PLAC1: variants seen among roughly 807,000 people sequenced by gnomAD.
The protein encoded by PLAC1 is placenta-specific protein 1.
For missense variants in PLAC1, 136 were observed against 163.2 expected, an observed-to-expected ratio of 0.83 and a Z score of 0.91; for synonymous variants, 68 against 62.1, an observed-to-expected ratio of 1.09 and a Z score of -0.44.
At chrX:134,704,561 T>C (rs1167272041) in intron 2 of PLAC1, among the ~76,000 whole-genome samples, 1 of 96,259 alleles carries the variant, frequency 1.0e-5, no homozygotes, top group Admixed American at 1.1e-4. Context: ...TAAAACAAAA[T>C]GAAAAAATAA....
intron 2 of PLAC1, among the ~76,000 whole-genome samples, chrX:134,722,887 T>TA: frequency 9.1e-6 from 1 of 109,774 alleles, no homozygotes; most frequent in South Asian, 3.9e-4. Context: ...GGTGAGAGCA[T>TA]ACAGTCCAAG....
At chrX:134,697,020 G>A (rs1176450483) in intron 2 of PLAC1, among the ~76,000 whole-genome samples, 3 of 104,899 alleles carry the variant, frequency 2.9e-5, no homozygotes, top group East Asian at 5.9e-4. Context: ...GCAACAGAGC[G>A]AGACTCCATC....
chrX:134,659,671 T>C (rs1396378894), upstream of PLAC1, among the ~76,000 whole-genome samples: 3 of 112,384 alleles, frequency 2.7e-5, no homozygotes, highest in Admixed American at 9.4e-5. Flanking sequence ...GCCAAGTGCT[T>C]AATTATGTGC....
chrX:134,696,125 C>T, intron 2 of PLAC1, among the ~76,000 whole-genome samples: 1 of 111,915 alleles, frequency 8.9e-6, no homozygotes, highest in East Asian at 2.8e-4. Flanking sequence ...ACTGGCTTTC[C>T]TGTATTTTAT....
At chrX:134,652,775 C>G (rs765161541) in intron 1 of PLAC1, among the ~76,000 whole-genome samples, 1 of 79,763 alleles carries the variant, frequency 1.3e-5, no homozygotes, top group Non-Finnish European at 2.2e-5. Flanking sequence ...GCATCTGGCA[C>G]ATAATATGTG....
intron 2 of PLAC1, among the ~76,000 whole-genome samples, chrX:134,721,925 G>A (rs1002219901): frequency 8.9e-6 from 1 of 111,775 alleles, no homozygotes. Context: ...GCAAGGGTGT[G>A]GAAGAATTGG....
chrX:134,748,661 T>C (rs1266426188), intron 1 of PLAC1, among the ~76,000 whole-genome samples: 1 of 111,987 alleles, frequency 8.9e-6, no homozygotes. Context: ...AAAACTTAAT[T>C]TGGTCGTAGC....
At chrX:134,603,029 G>A (rs762562247) in intron 1 of PLAC1, among the ~76,000 whole-genome samples, 22 of 106,035 alleles carry the variant, frequency 2.1e-4, no homozygotes, top group Admixed American at 8.3e-4. Context: ...AGAAAGAGAG[G>A]CAGTTGGGAG....
At chrX:134,659,013 C>T (rs568428554), upstream of PLAC1, among the ~76,000 whole-genome samples, 4 of 111,083 alleles carry the variant, frequency 3.6e-5, no homozygotes, top group African/African-American at 9.8e-5. Context: ...AATGAGAACA[C>T]ATGGACCCAG....
chrX:134,583,616 AG>A (rs2077985556), intron 2 of PLAC1, among the ~76,000 whole-genome samples: 1 of 110,251 alleles, frequency 9.1e-6, no homozygotes, highest in Admixed American at 9.7e-5. Context: ...GGAGTGAATG[AG>A]GTCTGAAAAA....
At chrX:134,642,385 A>G (rs1308755257) in intron 1 of PLAC1, among the ~76,000 whole-genome samples, 1 of 112,100 alleles carries the variant, frequency 8.9e-6, no homozygotes, top group Admixed American at 9.5e-5. Context: ...GCTACCTCCA[A>G]TAAAATTTCC....
intron 1 of PLAC1, among the ~76,000 whole-genome samples, chrX:134,645,225 C>T (rs1348633084): frequency 8.9e-6 from 1 of 112,309 alleles, no homozygotes; most frequent in African/African-American, 3.2e-5. Context: ...GTCTCCAAAT[C>T]TTCCCCATTT....
At chrX:134,637,911 T>G (rs1385107131) in intron 1 of PLAC1, among the ~76,000 whole-genome samples, 1 of 111,926 alleles carries the variant, frequency 8.9e-6, no homozygotes, top group Non-Finnish European at 1.9e-5. Flanking sequence ...TGATGGCGCA[T>G]CCCTATTACT....
At chrX:134,675,871 G>A (rs1229372919) in intron 2 of PLAC1, among the ~76,000 whole-genome samples, 2 of 111,223 alleles carry the variant, frequency 1.8e-5, no homozygotes, top group Non-Finnish European at 3.8e-5. Flanking sequence ...TGTTCTGAGC[G>A]AGGCTAGAGT....
At chrX:134,574,090 TCACACA>T (rs368393395) in intron 2 of PLAC1, among the ~76,000 whole-genome samples, 8 of 104,345 alleles carry the variant, frequency 7.7e-5, no homozygotes, top group African/African-American at 2.2e-4. Context: ...TCTCTCTCTC[TCACACA>T]CACACACACA....
At chrX:134,603,625 C>T (rs976989152) in intron 1 of PLAC1, among the ~76,000 whole-genome samples, 5 of 108,519 alleles carry the variant, frequency 4.6e-5, no homozygotes, top group African/African-American at 6.7e-5. Context: ...TGAGCAACCG[C>T]ACCCAGCTGC....
chrX:134,718,370 A>C (rs1462847127), intron 2 of PLAC1, among the ~76,000 whole-genome samples: 1 of 111,669 alleles, frequency 9.0e-6, no homozygotes, highest in Non-Finnish European at 1.9e-5. Context: ...TAAATAACAA[A>C]TTTGCCCATG....
intron 2 of PLAC1, among the ~76,000 whole-genome samples, chrX:134,598,942 G>T (rs1389573599): frequency 9.0e-6 from 1 of 111,585 alleles, no homozygotes; most frequent in African/African-American, 3.3e-5. Context: ...GATTATACTA[G>T]AAAAACCCAT....
Position 134,590,516 on chromosome X carries a change from G to A in PLAC1, c.-59+11535C>T, listed in dbSNP as rs569181886. On this transcript the variant is annotated intron_variant, in intron 2 of 2. Coordinates refer to ENST00000359237, the MANE Select transcript of PLAC1 (RefSeq NM_021796.4). ...CTCAAAAATGTGTAATTACATTTGCGATAAATGATACAAGGGTTATATGCA... is the reference window on the plus strand; with the variant it reads ...CTCAAAAATGTGTAATTACATTTGCAATAAATGATACAAGGGTTATATGCA... 2.7e-4 allele frequency among the ~76,000 whole-genome samples: 30 copies of A among 112,287 alleles called. No homozygotes were observed. In the Middle Eastern group the frequency reaches 0.018, roughly 69 times the overall value.
Sources: gnomAD v4.1 joint callset for allele counts (sites outside exome capture counted in the v4.1 genomes callset) on GRCh38, gnomAD v4.1.1 for gene constraint, MANE v1.5 for transcripts, NCBI Gene and HGNC (gene_info 2026-07-23, HGNC 2026-07-21) for gene names.